DGKH: variants seen among roughly 807,000 people sequenced by gnomAD.
DGKH encodes the protein DAG kinase eta.
DGKH carries 90 observed loss-of-function variants against 159.3 expected under a neutral mutation model. That is an observed-to-expected ratio of 0.57 (90% CI 0.48 to 0.67). The LOEUF (loss-of-function observed/expected upper bound fraction) is 0.67, where lower values mean the gene tolerates loss of function less well. Ranked by LOEUF, DGKH falls within the 30% of genes least tolerant of loss-of-function variation. DGKH has a pLI of 0.00. For missense variants in DGKH, 1,181 were observed against 1,506.1 expected (o/e 0.78, Z 3.57); for synonymous variants, 536 against 553.8 (o/e 0.97, Z 0.45).
intron 1 of DGKH, among the ~76,000 whole-genome samples, chr13:42,056,059 C>T (rs1294736970): frequency 6.6e-6 from 1 of 152,188 alleles, no homozygotes; most frequent in Non-Finnish European, 1.5e-5. Context: ...AACCACTGCT[C>T]TCCAGCCTGG....
chr13:42,199,487 A>C (rs1232244825), intron 18 of DGKH, 79 bp from the exon 19 acceptor site: 4 of 989,546 alleles, frequency 4.0e-6, no homozygotes, highest in Non-Finnish European at 5.9e-6. Context: ...AATGGTTTTA[A>C]GTACTATCTT....
chr13:42,077,978 G>A (rs530855281), intron 1 of DGKH, among the ~76,000 whole-genome samples: 8 of 152,238 alleles, frequency 5.3e-5, no homozygotes, highest in African/African-American at 1.9e-4. Context: ...GAATGGAAAA[G>A]TAAAAAGAAG....
chr13:42,164,645 A>G (rs1295867851), intron 7 of DGKH, among the ~76,000 whole-genome samples: 1 of 152,218 alleles, frequency 6.6e-6, no homozygotes, highest in Non-Finnish European at 1.5e-5. Context: ...CCTACTTAAT[A>G]AGTTATCCTT....
intron 1 of DGKH, among the ~76,000 whole-genome samples, chr13:42,117,868 C>T (rs1459180421): frequency 2.6e-5 from 4 of 152,090 alleles, no homozygotes; most frequent in African/African-American, 7.2e-5. Context: ...GCGTTGTGTC[C>T]ATTTTCATAC....
At chr13:42,209,150 C>A (rs1388192679) in intron 22 of DGKH, 78 bp downstream of exon 22, 1 of 1,398,122 alleles carries the variant, frequency 7.2e-7, no homozygotes, top group African/African-American at 1.4e-5. Flanking sequence ...ACAACTCGTA[C>A]ACTGGATATT....
chr13:42,165,654 A>G (rs1203244720), intron 8 of DGKH, among the ~76,000 whole-genome samples: 1 of 152,144 alleles, frequency 6.6e-6, no homozygotes, highest in African/African-American at 2.4e-5. Flanking sequence ...TACTGTATAT[A>G]AGACTTCTAG....
intron 24 of DGKH, among the ~76,000 whole-genome samples, chr13:42,211,629 TG>T (rs1379369631): frequency 1.3e-5 from 2 of 151,960 alleles, no homozygotes; most frequent in Non-Finnish European, 2.9e-5. Flanking sequence ...ACCTGAGTGG[TG>T]GAAGTTGCAG....
chr13:42,102,984 TG>T (rs1456645383), intron 1 of DGKH, among the ~76,000 whole-genome samples: 2 of 152,152 alleles, frequency 1.3e-5, no homozygotes, highest in Admixed American at 1.3e-4. Context: ...AGAGATGTGT[TG>T]AGAATTAAGA....
chr13:42,194,318 A>G (rs1213730857), intron 16 of DGKH, among the ~76,000 whole-genome samples: 1 of 152,062 alleles, frequency 6.6e-6, no homozygotes, highest in Non-Finnish European at 1.5e-5. Context: ...ATTTTTATAG[A>G]GGCAGGGTCT....
intron 3 of DGKH, chr13:42,138,163 T>C: frequency 1.0e-6 from 1 of 955,488 alleles, no homozygotes. Context: ...AGATGGCTAA[T>C]AGCAGGGCAC....
At chr13:42,067,382 A>G (rs1882655684) in intron 1 of DGKH, among the ~76,000 whole-genome samples, 1 of 152,206 alleles carries the variant, frequency 6.6e-6, no homozygotes, top group South Asian at 2.1e-4. Context: ...AATAGATACT[A>G]GTTTATGCTT....
chr13:42,104,402 G>A (rs548192387), intron 1 of DGKH, among the ~76,000 whole-genome samples: 17 of 152,234 alleles, frequency 1.1e-4, no homozygotes, highest in Non-Finnish European at 1.8e-4. Context: ...AGTGGCACCC[G>A]TGACCATTGC....
At chr13:42,195,475 C>G (rs1394684178) in intron 17 of DGKH, among the ~76,000 whole-genome samples, 1 of 152,160 alleles carries the variant, frequency 6.6e-6, no homozygotes, top group Non-Finnish European at 1.5e-5. Flanking sequence ...GCACTCCAGC[C>G]TGGGAGACAG....
intron 1 of DGKH, among the ~76,000 whole-genome samples, chr13:42,068,569 A>G (rs1566084628): frequency 1.3e-5 from 2 of 152,230 alleles, no homozygotes. Flanking sequence ...ATGTCTTAGG[A>G]TAAAAATAGA....
rs542982639 is a variant in DGKH, at chr13:42,233,163, T to C, written c.*3975T>C. The C allele has an allele frequency of 4.6e-5, 7 of 152,254 alleles. No individual in the cohort carries two copies. The highest frequency in any genetic ancestry group is 8.8e-5 in the Non-Finnish European group (6 of 68,036). 9.4% of individuals were successfully genotyped at this position (152,254 alleles called of 1,614,324 possible). On this transcript the variant is annotated 3_prime_UTR_variant, in exon 30 of 30. Coordinates refer to ENST00000337343, the MANE Select transcript of DGKH (RefSeq NM_178009.5). ...AAATTAATTTAATTAGAAACTCCAT[T>C]TCTCAGTTGCACTAACTACATTTCA...
In DGKH at chr13:42,187,032, A is replaced by G; in HGVS notation, c.1539-17A>G. Reference sequence around the variant, plus strand: ...TTCATGAAGCTTACTAAATTGTACAACTTCTTTTCCTCAAAGGACGCTATG... The same window carrying G: ...TTCATGAAGCTTACTAAATTGTACAGCTTCTTTTCCTCAAAGGACGCTATG... On this transcript the variant is annotated splice_polypyrimidine_tract_variant and intron_variant, in intron 13 of 29. Coordinates refer to ENST00000337343, the MANE Select transcript of DGKH (RefSeq NM_178009.5). The G allele has an allele frequency of 6.2e-7, 1 of 1,606,532 alleles. No individual in the cohort carries two copies. The highest frequency in any genetic ancestry group is 8.5e-7 in the Non-Finnish European group (1 of 1,173,820).
chr13:42,049,271 G>A (rs1373603037), intron 1 of DGKH, among the ~76,000 whole-genome samples: 2 of 152,118 alleles, frequency 1.3e-5, no homozygotes, highest in African/African-American at 4.8e-5. Context: ...GCGAGCCTGG[G>A]CTCCCAGGGA....
At chr13:42,111,668 AG>A (rs1322341948) in intron 1 of DGKH, among the ~76,000 whole-genome samples, 2 of 152,258 alleles carry the variant, frequency 1.3e-5, no homozygotes, top group Non-Finnish European at 2.9e-5. Context: ...TAGAGTTTAT[AG>A]TATTTCAAAC....
chr13:42,215,249 T>A (rs1957759620), intron 25 of DGKH, among the ~76,000 whole-genome samples: 2 of 149,570 alleles, frequency 1.3e-5, no homozygotes, highest in African/African-American at 4.9e-5. Context: ...AGCAATATGG[T>A]TAGTGTTACT....
Sources: gnomAD v4.1 joint callset for allele counts (sites outside exome capture counted in the v4.1 genomes callset) on GRCh38, gnomAD v4.1.1 for gene constraint, MANE v1.5 for transcripts, NCBI Gene and HGNC (gene_info 2026-07-23, HGNC 2026-07-21) for gene names.